ATG14: variants seen among roughly 807,000 people sequenced by gnomAD.
ATG14 encodes the protein autophagy related 14.
A neutral mutation model predicts 60.4 loss-of-function variants in ATG14; 35 were observed. The ratio of observed to expected loss-of-function variants is 0.58; its 90% CI spans 0.44 to 0.77. The LOEUF (loss-of-function observed/expected upper bound fraction) is 0.77. ATG14 is among the 30% of genes least tolerant of loss of function. ATG14 has a pLI of 0.00. For missense variants in ATG14, 647 were observed against 626.3 expected (o/e 1.03, Z -0.35); for synonymous variants, 234 against 228.8 (o/e 1.02, Z -0.21).
At chr14:55,396,034 G>C in intron 2 of ATG14, 52 bp from the exon 3 acceptor site, 1 of 1,414,388 alleles carries the variant, frequency 7.1e-7, no homozygotes, top group Non-Finnish European at 9.6e-7. Context: ...AAAATTCTGT[G>C]AAGTTCAAAA....
chr14:55,395,933 A>C lies in ATG14; in HGVS notation c.327+7T>G. On this transcript the variant is annotated splice_region_variant and intron_variant, in intron 3 of 9. Transcript: ENST00000247178. ...CTCAAGTAAAAAGAACATGTATTAC[A>C]ACTTACCAACTGATCTGTTATCCAT... 6.3e-7 allele frequency: 1 copy of C among 1,577,990 alleles called. No individual in the cohort carries two copies. The highest frequency in any genetic ancestry group is 8.6e-7 in the Non-Finnish European group (1 of 1,163,990).
chr14:55,380,853 G>GTATATATATATATA (rs1194666951), intron 6 of ATG14, among the ~76,000 whole-genome samples, 163 bp from the exon 7 acceptor site: 18 of 108,024 alleles, frequency 1.7e-4, no homozygotes, highest in African/African-American at 4.7e-4. Context: ...CATTCTTTGT[G>GTATATATATATATA]TGTATATATA....
chr14:55,399,475 T>C (rs972721666), intron 1 of ATG14, among the ~76,000 whole-genome samples: 2 of 152,210 alleles, frequency 1.3e-5, no homozygotes, highest in Admixed American at 1.3e-4. Flanking sequence ...GGAATGTGGA[T>C]GAACCCATAG....
chr14:55,386,218 A>G (rs1594779934), intron 4 of ATG14, 122 bp from the exon 5 acceptor site: 1 of 799,768 alleles, frequency 1.3e-6, no homozygotes, highest in Non-Finnish European at 2.0e-6. Context: ...AAACCTGAAT[A>G]ATATAATGTT....
intron 4 of ATG14, among the ~76,000 whole-genome samples, chr14:55,388,903 G>C (rs1885168026): frequency 6.6e-6 from 1 of 152,112 alleles, no homozygotes; most frequent in Admixed American, 6.5e-5. Flanking sequence ...CTGTTAACCA[G>C]TCATGATGAG....
At chr14:55,387,692 G>T (rs925138634) in intron 4 of ATG14, among the ~76,000 whole-genome samples, 2 of 152,090 alleles carry the variant, frequency 1.3e-5, no homozygotes, top group African/African-American at 4.8e-5. Flanking sequence ...GTTTTGAGAC[G>T]GAGTTTCGCT....
chr14:55,369,976 C>G (rs554925806), intron 9 of ATG14, 51 bp from the exon 10 acceptor site: 1 of 1,512,200 alleles, frequency 6.6e-7, no homozygotes, highest in African/African-American at 1.4e-5. Context: ...TTCTCAACAC[C>G]AGAAAATATG....
chr14:55,376,702 C>T (rs1051318278), intron 9 of ATG14, among the ~76,000 whole-genome samples: 3 of 152,088 alleles, frequency 2.0e-5, no homozygotes, highest in Admixed American at 6.5e-5. Context: ...ATGGATGATG[C>T]GGAAGGGAAA....
rs552624213 is a variant in ATG14 at position 55,374,898 on chromosome 14, C to A, written c.1172+2921G>T. ...TGCTAACAGCACTCTGTTTTAATTA[C>A]CTTTATGCTATGTTTTAAATGGACC... On this transcript the variant is annotated intron_variant, in intron 9 of 9. Coordinates refer to ENST00000247178, the MANE Select transcript of ATG14 (RefSeq NM_014924.5). 5.9e-5 allele frequency among the ~76,000 whole-genome samples: 9 copies of A among 152,288 alleles called. No homozygotes were observed. The South Asian group carries it at 1.9e-3, about 32-fold the overall frequency.
chr14:55,371,611 T>A (rs1884818550), intron 9 of ATG14, among the ~76,000 whole-genome samples: 2 of 151,776 alleles, frequency 1.3e-5, no homozygotes, highest in African/African-American at 4.8e-5. Context: ...TCGAGACCAT[T>A]GGCTAACACA....
chr14:55,405,489 GTCTC>G (rs1198216307), intron 1 of ATG14, among the ~76,000 whole-genome samples: 2 of 152,142 alleles, frequency 1.3e-5, no homozygotes, highest in African/African-American at 4.8e-5. Flanking sequence ...CATACAATTT[GTCTC>G]TCTTTTTAAT....
chr14:55,409,561 TAA>T (rs35648229), intron 1 of ATG14, among the ~76,000 whole-genome samples: 1 of 147,092 alleles, frequency 6.8e-6, no homozygotes, highest in Middle Eastern at 3.5e-3. Context: ...AGCAGGCACC[TAA>T]AAAAAAAAAC....
At position 55,377,855 on chromosome 14, in the gene ATG14, A is replaced by G. The variant is rs1385000788; in HGVS notation, c.1136T>C (p.Met379Thr). ...TTCAGAGCTTGGACTGACCAGGTAC[A>G]TTAGATTCCTGAGGGTATGCAGTGG... is the stretch of plus-strand genomic sequence containing the variant. ...LQPLHTLRNL[M>T]YLVSPSSEHL... The change falls in exon 9 of 10, where the codon ATG becomes ACG. Residue 379 changes from methionine (M) to threonine (T), a missense_variant. Physicochemically the swap from Met to Thr is moderately conservative, Grantham distance 81 (BLOSUM62 -1). Transcript: ENST00000247178. The G allele has an allele frequency of 1.9e-6, 3 of 1,602,624 alleles. No individual in the cohort carries two copies. Among genetic ancestry groups the G allele is most frequent in the Non-Finnish European group, 2.5e-6 (3 of 1,176,852 alleles).
chr14:55,408,117 G>A (rs1885517549), intron 1 of ATG14, among the ~76,000 whole-genome samples: 1 of 152,114 alleles, frequency 6.6e-6, no homozygotes, highest in Non-Finnish European at 1.5e-5. Flanking sequence ...TATGAAGTTA[G>A]ATACCCTGCC....
rs1316451905 is a variant in ATG14, at chr14:55,366,706, G to C, written c.*2913C>G. ...TTTAAGCAGCCTGTTTGGTGCCTGTGGGTTTTTATTAGTATTACTTTGTTT... is the reference window on the plus strand; with the variant it reads ...TTTAAGCAGCCTGTTTGGTGCCTGTCGGTTTTTATTAGTATTACTTTGTTT... On this transcript the variant is annotated 3_prime_UTR_variant, in exon 10 of 10. Coordinates refer to ENST00000247178, the MANE Select transcript of ATG14 (RefSeq NM_014924.5). The C allele has an allele frequency of 2.0e-5, 3 of 152,464 alleles. No homozygotes were observed. The highest frequency in any genetic ancestry group is 6.5e-5 in the Admixed American group (1 of 15,270). The allele number at this position is 152,464 out of a possible 1,614,324, so 9.4% of individuals were successfully genotyped here.
At chr14:55,397,804 C>T (rs1009100995) in intron 1 of ATG14, among the ~76,000 whole-genome samples, 1 of 152,098 alleles carries the variant, frequency 6.6e-6, no homozygotes, top group African/African-American at 2.4e-5. Context: ...CAATCCTGCT[C>T]TCTCCTATAA....
In ATG14 at chr14:55,411,603, T is replaced by A; in HGVS notation, c.220A>T (p.Arg74Trp). 2 of 1,606,758 alleles carry A rather than the reference T, an allele frequency of 1.2e-6. No individual in the cohort carries two copies. The highest frequency in any genetic ancestry group is 1.7e-6 in the Non-Finnish European group (2 of 1,177,398). ...FVYFDGRDRERFIDKKERLSR... is the reference protein window; with the variant it reads ...FVYFDGRDREWFIDKKERLSR... ...ATAGGGCCGTGGCGGCCGCCGTACC[T>A]CTCCCGGTCGCGGCCGTCGAAGTAG... Residue 74 changes from arginine (R) to tryptophan (W), a missense_variant and splice_region_variant, in exon 1 of 10, where the codon AGG becomes TGG. By Grantham distance (101) the Arg-to-Trp change is moderately radical. Transcript: ENST00000247178.
At chr14:55,379,305 G>A (rs1045180360) in intron 7 of ATG14, among the ~76,000 whole-genome samples, 4 of 152,256 alleles carry the variant, frequency 2.6e-5, no homozygotes, top group Admixed American at 6.5e-5. Context: ...GGAGGCAGAG[G>A]AGGGCGGATC....
intron 3 of ATG14, among the ~76,000 whole-genome samples, chr14:55,394,595 A>C (rs1168933851): frequency 6.6e-6 from 1 of 152,192 alleles, no homozygotes; most frequent in Non-Finnish European, 1.5e-5. Context: ...AATCTTTCAC[A>C]GCACTGTATC....
Sources: gnomAD v4.1 joint callset for allele counts (sites outside exome capture counted in the v4.1 genomes callset) on GRCh38, gnomAD v4.1.1 for gene constraint, MANE v1.5 for transcripts, NCBI Gene and HGNC (gene_info 2026-07-23, HGNC 2026-07-21) for gene names.